The following MGLL variants were observed in gnomAD, a reference collection of about 807,000 sequenced individuals.
MGLL encodes the protein monoglyceride lipase, also known as lysophospholipase homolog.
Under a neutral mutation model 29.1 loss-of-function variants are expected in MGLL, and 7 were observed. The observed-to-expected ratio is 0.24, with a 90% CI of 0.14 to 0.45. The LOEUF is 0.45. Ranked by LOEUF, MGLL falls within the 20% of genes least tolerant of loss-of-function variation. The pLI is 0.99. For missense variants in MGLL, 356 were observed against 413.6 expected, an observed-to-expected ratio of 0.86 and a Z score of 1.21; for synonymous variants, 148 against 168.3, an observed-to-expected ratio of 0.88 and a Z score of 0.93.
chr3:127,770,888 G>T (rs1176586731), intron 3 of MGLL, among the ~76,000 whole-genome samples: 4 of 152,074 alleles, frequency 2.6e-5, no homozygotes, highest in East Asian at 1.9e-4. Flanking sequence ...AGCACCCAAG[G>T]TTATAAGGCT....
In MGLL at chr3:127,781,881, A is replaced by G; in HGVS notation, c.170T>C (p.Val57Ala). Residue 57 changes from valine to alanine, a missense_variant, in exon 3 of 8, where the codon GTG (valine) becomes GCG (alanine). Val to Ala is a moderately conservative substitution (Grantham distance 64, BLOSUM62 0). Transcript: ENST00000265052. ...PTGTPKALIFVSHGAGEHSGR... is the reference protein window; with the variant it reads ...PTGTPKALIFASHGAGEHSGR... ...ACTGTGCTCTCCGGCTCCATGGGAC[A>G]CAAAGATGAGGGCCCTGCAGAGACA... The G allele has an allele frequency of 6.2e-7, 1 of 1,614,050 alleles. No individual in the cohort carries two copies. The highest frequency in any genetic ancestry group is 8.5e-7 in the Non-Finnish European group (1 of 1,180,000).
intron 3 of MGLL, among the ~76,000 whole-genome samples, chr3:127,737,038 C>T (rs1055361499): frequency 2.6e-5 from 4 of 152,232 alleles, no homozygotes; most frequent in African/African-American, 9.6e-5. Context: ...GGAAGAGTCA[C>T]CATCTACCAG....
intron 3 of MGLL, among the ~76,000 whole-genome samples, chr3:127,739,532 A>G (rs2076298811): frequency 6.6e-6 from 1 of 152,230 alleles, no homozygotes; most frequent in Non-Finnish European, 1.5e-5. Flanking sequence ...CTGTGGATAG[A>G]AAAAGCTTAA....
chr3:127,807,763 T>C lies in MGLL; in HGVS notation c.155+13931A>G, dbSNP rs992027647. 4.4e-4 allele frequency among the ~76,000 whole-genome samples: 57 copies of C among 128,240 alleles called. 1 individual carries two copies. The highest frequency in any genetic ancestry group is 7.2e-4 in the Non-Finnish European group (44 of 60,760). 84.1% of individuals were successfully genotyped at this position (128,240 alleles called of 152,430 possible). A position where few individuals can be genotyped will look rare whatever the true frequency, so the allele number is the denominator to read the frequency against. ...GCTGTGAAAAGTCTTTTTTTTTTTT[T>C]TTTTTTTTTTTTTTTTGAGATGGAG... On this transcript the variant is annotated intron_variant, in intron 2 of 7. Transcript: ENST00000265052.
chr3:127,760,585 G>A (rs949934609), intron 3 of MGLL, among the ~76,000 whole-genome samples: 1 of 152,208 alleles, frequency 6.6e-6, no homozygotes, highest in African/African-American at 2.4e-5. Context: ...CAGACTGCGC[G>A]TCGCAAGCTA....
chr3:127,817,249 A>G (rs2077773911), intron 2 of MGLL, among the ~76,000 whole-genome samples: 5 of 152,184 alleles, frequency 3.3e-5, no homozygotes. Context: ...CACTTACTGG[A>G]GGTGTGAGGG....
intron 5 of MGLL, among the ~76,000 whole-genome samples, chr3:127,719,673 T>A (rs922189771): frequency 6.6e-6 from 1 of 152,194 alleles, no homozygotes; most frequent in Admixed American, 6.5e-5. Context: ...GAGTAGGTCA[T>A]GTCTCCCCCC....
chr3:127,759,487 G>T (rs145061387), intron 3 of MGLL, among the ~76,000 whole-genome samples: 1 of 152,148 alleles, frequency 6.6e-6, no homozygotes, highest in Non-Finnish European at 1.5e-5. Context: ...TCTGAATCAC[G>T]TGCTCAAGAG....
At position 127,692,017 on chromosome 3, in the gene MGLL, G is replaced by T; in HGVS notation, c.*181C>A. 2 of 772,242 alleles carry T rather than the reference G, an allele frequency of 2.6e-6. No individual in the cohort carries two copies. The highest frequency in any genetic ancestry group is 4.0e-6 in the Non-Finnish European group (2 of 494,230). 47.8% of individuals were successfully genotyped at this position (772,242 alleles called of 1,614,324 possible). Reference sequence around the variant, plus strand: ...GTGTCTAACCATTAAGGTAGGTCCAGTGTCTGATAGTCTAATGTATAACAA... The same window carrying T: ...GTGTCTAACCATTAAGGTAGGTCCATTGTCTGATAGTCTAATGTATAACAA... On this transcript the variant is annotated 3_prime_UTR_variant, in exon 8 of 8. Transcript: ENST00000265052.
chr3:127,744,656 A>C (rs1576537969), intron 3 of MGLL, among the ~76,000 whole-genome samples: 2 of 152,362 alleles, frequency 1.3e-5, no homozygotes, highest in Admixed American at 1.3e-4. Flanking sequence ...CAAGGAATTA[A>C]GTCTGTAACA....
intron 3 of MGLL, among the ~76,000 whole-genome samples, chr3:127,770,375 A>G (rs959311951): frequency 6.6e-6 from 1 of 152,118 alleles, no homozygotes; most frequent in African/African-American, 2.4e-5. Context: ...AATCAAATGA[A>G]ATATTGTACA....
At chr3:127,762,187 C>A (rs2107683216) in intron 3 of MGLL, among the ~76,000 whole-genome samples, 1 of 152,366 alleles carries the variant, frequency 6.6e-6, no homozygotes, top group East Asian at 1.9e-4. Flanking sequence ...AGCACCTTGT[C>A]TGCCGGCATG....
chr3:127,722,236 T>C (rs1211125404), intron 4 of MGLL, among the ~76,000 whole-genome samples, 194 bp downstream of exon 4: 1 of 152,214 alleles, frequency 6.6e-6, no homozygotes, highest in Non-Finnish European at 1.5e-5. Flanking sequence ...AGCTGCTCAC[T>C]AAGGACCGGC....
chr3:127,817,177 A>G (rs1228415672), intron 2 of MGLL, among the ~76,000 whole-genome samples: 1 of 152,266 alleles, frequency 6.6e-6, no homozygotes, highest in Non-Finnish European at 1.5e-5. Context: ...ATGTTCCAGA[A>G]GGTCTCCATA....
intron 5 of MGLL, chr3:127,713,786 T>A (rs2075764535): frequency 6.6e-6 from 1 of 152,284 alleles, no homozygotes; most frequent in Admixed American, 6.5e-5. Flanking sequence ...TTTCTGCTGC[T>A]GGCACCTCTT....
chr3:127,710,582 C>T lies in MGLL; in HGVS notation c.594G>A (p.Lys198=), dbSNP rs781411716. 74 of 1,559,012 alleles carry T rather than the reference C, an allele frequency of 4.7e-5. No individual in the cohort carries two copies. In the South Asian group the frequency reaches 7.3e-4, roughly 15 times the overall value. Residue 198 remains lysine (K), a synonymous_variant, in exon 6 of 8, where the codon AAG becomes AAA. Transcript: ENST00000265052. ...GTTTCGGAAAGCCTCTCACCTCTGTCTTATTCCGAGAGAGCACGCTGGAGT... is the reference window on the plus strand; with the variant it reads ...GTTTCGGAAAGCCTCTCACCTCTGTTTTATTCCGAGAGAGCACGCTGGAGT... ...PIDSSVLSRN[K]TEVDIYNSDP...
At chr3:127,799,270 G>A (rs1035621853) in intron 2 of MGLL, 5 of 152,284 alleles carry the variant, frequency 3.3e-5, no homozygotes, top group African/African-American at 1.2e-4. Flanking sequence ...TTTTCCAGAT[G>A]AGGAAACTGA....
At chr3:127,746,641 G>C (rs2076449132) in intron 3 of MGLL, among the ~76,000 whole-genome samples, 1 of 152,118 alleles carries the variant, frequency 6.6e-6, no homozygotes. Flanking sequence ...TCTTTGTGGG[G>C]GTAGAACTGC....
intron 3 of MGLL, among the ~76,000 whole-genome samples, chr3:127,730,813 A>G (rs2076136569): frequency 1.3e-5 from 2 of 152,072 alleles, no homozygotes; most frequent in Admixed American, 1.3e-4. Context: ...TTCTAAGGTG[A>G]GTGTGGCTGG....
Sources: allele counts gnomAD v4.1 joint callset (sites outside exome capture counted in the v4.1 genomes callset), GRCh38; gene constraint gnomAD v4.1.1; transcripts MANE v1.5; gene names NCBI Gene and HGNC (gene_info 2026-07-23, HGNC 2026-07-21).